MLXIP: variants seen among roughly 807,000 people sequenced by gnomAD.
The protein encoded by MLXIP is MLX-interacting protein.
A neutral mutation model predicts 87.2 loss-of-function variants in MLXIP; 30 were observed. The observed-to-expected ratio is 0.34, with a 90% CI of 0.26 to 0.47. The LOEUF is 0.47. MLXIP is among the 20% of genes least tolerant of loss of function. The pLI is 1.00. For missense variants in MLXIP, 1,002 were observed against 1,240.1 expected (o/e 0.81, Z 2.88); for synonymous variants, 530 against 514.0 (o/e 1.03, Z -0.42).
In MLXIP at chr12:122,142,799, GC is replaced by G. The variant is rs1023245234; in HGVS notation, c.*992del. ...CCAGGACAGTTCTCGGACCAAAGAT[GC>G]CCCCACACTCAAAAGTCTGTCCCGT... is the stretch of plus-strand genomic sequence containing the variant. On this transcript the variant is annotated 3_prime_UTR_variant, in exon 17 of 17. Transcript: ENST00000319080. 1.2e-5 allele frequency: 2 copies of G among 161,664 alleles called. No individual in the cohort carries two copies. Among genetic ancestry groups the G allele is most frequent in the Non-Finnish European group, 2.7e-5 (2 of 73,394 alleles). 10.0% of individuals were successfully genotyped at this position (161,664 alleles called of 1,614,324 possible).
intron 1 of MLXIP, among the ~76,000 whole-genome samples, chr12:122,089,769 G>T (rs1952219124): frequency 6.6e-6 from 1 of 152,186 alleles, no homozygotes; most frequent in African/African-American, 2.4e-5. Flanking sequence ...CAGTTTTTTG[G>T]ATGTACCACA....
intron 1 of MLXIP, among the ~76,000 whole-genome samples, chr12:122,126,240 A>G (rs1028177760): frequency 6.6e-6 from 1 of 152,154 alleles, no homozygotes; most frequent in Non-Finnish European, 1.5e-5. Context: ...TTGAATGAAG[A>G]ATTGTTAATT....
At chr12:122,117,770 A>G (rs969640550) in intron 1 of MLXIP, among the ~76,000 whole-genome samples, 4 of 152,204 alleles carry the variant, frequency 2.6e-5, no homozygotes, top group African/African-American at 9.6e-5. Flanking sequence ...CGAACCCTGT[A>G]TACAGTACAT....
chr12:122,109,510 A>C, intron 1 of MLXIP, among the ~76,000 whole-genome samples: 1 of 152,262 alleles, frequency 6.6e-6, no homozygotes, highest in East Asian at 1.9e-4. Context: ...ACAGACAGGA[A>C]AGAAATGTAG....
chr12:122,134,951 G>A (rs1221057678), intron 9 of MLXIP: 2 of 408,140 alleles, frequency 4.9e-6, no homozygotes, highest in East Asian at 1.1e-4. Flanking sequence ...TGGGATTACA[G>A]ATGTGAGCCA....
At chr12:122,123,649 A>G (rs1177138626) in intron 1 of MLXIP, among the ~76,000 whole-genome samples, 1 of 152,034 alleles carries the variant, frequency 6.6e-6, no homozygotes, top group East Asian at 1.9e-4. Context: ...TCTGCCCTCC[A>G]GCTTTGTCTG....
intron 7 of MLXIP, among the ~76,000 whole-genome samples, chr12:122,131,278 G>A (rs1349368894): frequency 2.0e-5 from 3 of 151,978 alleles, no homozygotes; most frequent in Non-Finnish European, 4.4e-5. Context: ...AGAAACGTCA[G>A]GCCTGGGAGT....
intron 1 of MLXIP, among the ~76,000 whole-genome samples, chr12:122,086,909 C>G (rs1036401505): frequency 1.3e-5 from 2 of 152,198 alleles, no homozygotes; most frequent in African/African-American, 2.4e-5. Context: ...TCTTTGCAGC[C>G]CTGCTTCTTG....
intron 1 of MLXIP, among the ~76,000 whole-genome samples, chr12:122,094,882 G>C (rs1209579825): frequency 6.7e-6 from 1 of 148,778 alleles, no homozygotes; most frequent in Non-Finnish European, 1.5e-5. Context: ...TGGTGTGTGT[G>C]GTACGTATGG....
intron 15 of MLXIP, 105 bp from the exon 16 acceptor site, chr12:122,140,849 T>C: frequency 1.3e-6 from 2 of 1,549,758 alleles, no homozygotes; most frequent in Non-Finnish European, 1.8e-6. Flanking sequence ...TGTGGGCAGA[T>C]ACTTTCCAGC....
Position 122,137,412 on chromosome 12 carries a change from T to A in MLXIP, c.2033-57T>A. The A allele has an allele frequency of 6.3e-7, 1 of 1,575,288 alleles. No homozygotes were observed. The highest frequency in any genetic ancestry group is 1.9e-5 in the Admixed American group (1 of 53,264). Reference sequence around the variant, plus strand: ...AACCCTGCAGAGACCCCAGGCTGCCTCCTGGTGGCGTTGAGGGGCCAGGCC... The same window carrying A: ...AACCCTGCAGAGACCCCAGGCTGCCACCTGGTGGCGTTGAGGGGCCAGGCC... On this transcript the variant is annotated intron_variant, in intron 11 of 16. Coordinates refer to ENST00000319080, the MANE Select transcript of MLXIP (RefSeq NM_014938.6). The surrounding 1 kb of genome is among the most constrained non-coding windows in gnomAD (Gnocchi z 4.1).
At chr12:122,096,204 A>C (rs1952349732) in intron 1 of MLXIP, among the ~76,000 whole-genome samples, 1 of 151,978 alleles carries the variant, frequency 6.6e-6, no homozygotes, top group Non-Finnish European at 1.5e-5. Flanking sequence ...CAGCCTCCCG[A>C]GTAGCTGGGA....
chr12:122,130,799 T>C, intron 6 of MLXIP, 45 bp from the exon 7 acceptor site: 4 of 1,395,472 alleles, frequency 2.9e-6, no homozygotes, highest in Non-Finnish European at 4.1e-6. Context: ...TCCTGCAACA[T>C]TGTCTGAGAA....
chr12:122,123,003 T>A (rs1000697885), intron 1 of MLXIP, among the ~76,000 whole-genome samples: 42 of 152,150 alleles, frequency 2.8e-4, no homozygotes, highest in African/African-American at 9.9e-4. Context: ...ATTGTGGGAC[T>A]TTTAGAGCAG....
chr12:122,101,916 T>G (rs991721243), intron 1 of MLXIP, among the ~76,000 whole-genome samples: 1 of 152,202 alleles, frequency 6.6e-6, no homozygotes, highest in African/African-American at 2.4e-5. Context: ...GCTTTTACAT[T>G]TAGGATGTGA....
At chr12:122,094,282 CTGTGTGTGGTGTGATGG>C (rs1952307728) in intron 1 of MLXIP, among the ~76,000 whole-genome samples, 20 of 90,542 alleles carry the variant, frequency 2.2e-4, no homozygotes, top group East Asian at 7.6e-4. Context: ...TGTGCGATGT[CTGTGTGTGGTGTGATGG>C]TGTGTGTGGT....
chr12:122,133,644 G>A lies in MLXIP; in HGVS notation c.1389G>A (p.Pro463=), dbSNP rs775567771. ...VPPPATALNP[P]APPTFHQPQK... is the part of the protein sequence containing the mutation. Reference sequence around the variant, plus strand: ...CTCCTGCCACTGCCCTGAACCCCCCGGCTCCACCCACCTTCCATCAGCCAC... The same window carrying A: ...CTCCTGCCACTGCCCTGAACCCCCCAGCTCCACCCACCTTCCATCAGCCAC... The change falls in exon 9 of 17, where the codon CCG becomes CCA. Residue 463 remains proline, a synonymous_variant. Coordinates refer to ENST00000319080, the MANE Select transcript of MLXIP (RefSeq NM_014938.6). This position sits in a 1 kb window ranked among gnomAD's most constrained non-coding sequence, Gnocchi z 4.9. The A allele has an allele frequency of 8.4e-6, 13 of 1,553,662 alleles. No individual in the cohort carries two copies. Among genetic ancestry groups the A allele is most frequent in the East Asian group, 2.4e-5 (1 of 41,340 alleles).
At position 122,106,001 on chromosome 12, in the gene MLXIP, C is replaced by G. The variant is rs556126653; in HGVS notation, c.414-21255C>G. Among the ~76,000 whole-genome samples the G allele has an allele frequency of 2.0e-5, 3 of 152,348 alleles. No homozygotes were observed. The East Asian group carries it at 5.8e-4, about 29-fold the overall frequency. ...TGGCATTTCCATCGCTTCACTTGCTCTTCTTTTTCAAGGATTTGCCTGTTG... is the reference window on the plus strand; with the variant it reads ...TGGCATTTCCATCGCTTCACTTGCTGTTCTTTTTCAAGGATTTGCCTGTTG... On this transcript the variant is annotated intron_variant, in intron 1 of 16. Transcript: ENST00000319080.
At chr12:122,093,452 GGTGT>G (rs1209474865) in intron 1 of MLXIP, among the ~76,000 whole-genome samples, 5 of 145,994 alleles carry the variant, frequency 3.4e-5, no homozygotes, top group African/African-American at 1.3e-4. Flanking sequence ...GTATGTGTGG[GGTGT>G]GTGTATGTTT....
Sources: allele counts gnomAD v4.1 joint callset (sites outside exome capture counted in the v4.1 genomes callset), GRCh38; gene constraint gnomAD v4.1.1; non-coding constraint Gnocchi (gnomAD v3.1); transcripts MANE v1.5; gene names NCBI Gene and HGNC (gene_info 2026-07-23, HGNC 2026-07-21).